The following PRSS55 variants were observed in gnomAD, a reference collection of about 807,000 sequenced individuals.
PRSS55 encodes probable serine protease UNQ9391/PRO34284.
In PRSS55, 41 loss-of-function variants were observed where a neutral mutation model predicts 23.6. The ratio of observed to expected loss-of-function variants is 1.74; its 90% CI spans 1.35 to 2.26. The LOEUF (loss-of-function observed/expected upper bound fraction) is 2.26, where lower values mean the gene tolerates loss of function less well. Among genes scored for constraint, PRSS55 ranks in the 30% most tolerant of loss-of-function variants. The pLI, the probability that PRSS55 is intolerant of heterozygous loss-of-function variation, is 0.00. For synonymous variants in PRSS55, 262 were observed against 175.5 expected, an observed-to-expected ratio of 1.49 and a Z score of -3.90; for missense variants, 669 against 439.1, an observed-to-expected ratio of 1.52 and a Z score of -4.68.
intron 2 of PRSS55, among the ~76,000 whole-genome samples, chr8:10,530,034 T>C (rs997187615): frequency 2.0e-5 from 3 of 152,196 alleles, no homozygotes; most frequent in African/African-American, 7.2e-5. Context: ...GGGAAATCCT[T>C]GTAATTCTGG....
rs200945105 is a variant in PRSS55, at chr8:10,525,640, G to A, written c.55G>A (p.Gly19Ser). ...GTCCCTGGTCACGGGAACTCAGCTCGGTCCACGGACTCCTCTCCCAGAGGC... is the reference window on the plus strand; with the variant it reads ...GTCCCTGGTCACGGGAACTCAGCTCAGTCCACGGACTCCTCTCCCAGAGGC... ...LLSLVTGTQL[G>S]PRTPLPEAGV... Residue 19 changes from glycine (G) to serine (S), a missense_variant, in exon 1 of 5, where the codon GGT becomes AGT. Physicochemically the swap from Gly to Ser is moderately conservative, Grantham distance 56 (BLOSUM62 0). Transcript: ENST00000328655. 36 of 1,614,114 alleles carry A rather than the reference G, an allele frequency of 2.2e-5. No homozygotes were observed. Among genetic ancestry groups the A allele is most frequent in the East Asian group, 1.8e-4 (8 of 44,860 alleles).
chr8:10,528,358 T>A (rs1053214527), intron 1 of PRSS55, among the ~76,000 whole-genome samples: 14 of 152,148 alleles, frequency 9.2e-5, no homozygotes, highest in African/African-American at 2.9e-4. Flanking sequence ...ACAGCTTCTG[T>A]TGAGCTGATG....
At chr8:10,537,605 G>A (rs571282345) in intron 4 of PRSS55, among the ~76,000 whole-genome samples, 4 of 152,176 alleles carry the variant, frequency 2.6e-5, no homozygotes, top group East Asian at 1.9e-4. Flanking sequence ...GAATTGAAAC[G>A]TTCTTAATAC....
chr8:10,534,407 C>T (rs10086002), intron 4 of PRSS55, among the ~76,000 whole-genome samples: 46,488 of 151,994 alleles, frequency 0.31, 7,434 homozygotes, highest in African/African-American at 0.4. Flanking sequence ...ACTCCATTTA[C>T]TCTAGTCACC....
chr8:10,547,394 G>A (rs903716414), intron 4 of PRSS55: 1 of 152,434 alleles, frequency 6.6e-6, no homozygotes, highest in Admixed American at 6.5e-5. Context: ...CTGTTTTGCA[G>A]AGCTGCTTCT....
intron 1 of PRSS55, among the ~76,000 whole-genome samples, chr8:10,527,362 TTCA>T (rs1386095293): frequency 9.9e-5 from 15 of 152,214 alleles, no homozygotes; most frequent in Non-Finnish European, 1.9e-4. Context: ...AGTGGAGTCA[TTCA>T]ATCAGGGAAT....
At chr8:10,548,265 A>G (rs1194443932) in intron 4 of PRSS55, among the ~76,000 whole-genome samples, 1 of 152,052 alleles carries the variant, frequency 6.6e-6, no homozygotes, top group Non-Finnish European at 1.5e-5. Flanking sequence ...GTGACTCCAG[A>G]CCAGGCACGA....
intron 4 of PRSS55, among the ~76,000 whole-genome samples, chr8:10,545,701 G>A (rs892707524): frequency 1.2e-4 from 19 of 152,264 alleles, no homozygotes; most frequent in African/African-American, 4.1e-4. Flanking sequence ...GGTGTGGCTC[G>A]TAAATCATCG....
intron 2 of PRSS55, among the ~76,000 whole-genome samples, 196 bp from the exon 3 acceptor site, chr8:10,531,099 G>A (rs565431852): frequency 9.3e-5 from 9 of 97,238 alleles, no homozygotes; most frequent in African/African-American, 3.4e-4. Flanking sequence ...CTGCACACCA[G>A]CTATTCTGTT....
intron 4 of PRSS55, among the ~76,000 whole-genome samples, chr8:10,553,384 T>A (rs1812993420): frequency 1.3e-5 from 2 of 152,152 alleles, no homozygotes; most frequent in South Asian, 4.1e-4. Flanking sequence ...TAATACAACA[T>A]AGAAACAACC....
chr8:10,549,364 G>A (rs1270772736), intron 4 of PRSS55, among the ~76,000 whole-genome samples: 1 of 152,200 alleles, frequency 6.6e-6, no homozygotes, highest in East Asian at 1.9e-4. Context: ...TGCCCCGGTG[G>A]GAGATGGTTG....
intron 4 of PRSS55, among the ~76,000 whole-genome samples, chr8:10,533,720 G>A (rs4841369): frequency 0.29 from 43,432 of 152,070 alleles, 6,312 homozygotes; most frequent in Admixed American, 0.35. Flanking sequence ...CCACCCTGAT[G>A]AACCTGCTTA....
chr8:10,535,337 C>T (rs2117039907), intron 4 of PRSS55, among the ~76,000 whole-genome samples: 1 of 152,266 alleles, frequency 6.6e-6, no homozygotes, highest in South Asian at 2.1e-4. Flanking sequence ...GCTATGGTAA[C>T]CAAAACAGCA....
At chr8:10,530,901 A>G (rs910008119) in intron 2 of PRSS55, among the ~76,000 whole-genome samples, 11 of 152,090 alleles carry the variant, frequency 7.2e-5, no homozygotes, top group African/African-American at 2.4e-4. Context: ...GTGCTGGTAG[A>G]CCAGTTGATA....
intron 4 of PRSS55, among the ~76,000 whole-genome samples, chr8:10,550,022 C>A (rs775141628): frequency 6.6e-6 from 1 of 152,174 alleles, no homozygotes; most frequent in African/African-American, 2.4e-5. Context: ...CAGGTTCCAT[C>A]GATTCTCCTG....
chr8:10,550,275 G>A (rs2117085672), intron 4 of PRSS55, among the ~76,000 whole-genome samples: 1 of 152,256 alleles, frequency 6.6e-6, no homozygotes, highest in Middle Eastern at 3.4e-3. Flanking sequence ...AATTACCTAG[G>A]GAGCCCCATA....
intron 4 of PRSS55, among the ~76,000 whole-genome samples, chr8:10,548,055 G>T (rs1812862064): frequency 6.6e-6 from 1 of 152,142 alleles, no homozygotes; most frequent in African/African-American, 2.4e-5. Flanking sequence ...AGGAGGCTCA[G>T]GACAGGACTG....
chr8:10,539,672 T>C (rs537932901), downstream of PRSS55, among the ~76,000 whole-genome samples: 3 of 152,276 alleles, frequency 2.0e-5, no homozygotes, highest in South Asian at 2.1e-4. Flanking sequence ...GATCTGATGG[T>C]TTTATAAGAG....
In PRSS55 at chr8:10,544,889, A is replaced by T. The variant is rs907391419; in HGVS notation, c.742-9054A>T. ...AATACCTCACTATAATTGTTACATT[A>T]TTTAACTTTATGTCTCATAGATTTT... On this transcript the variant is annotated intron_variant, in intron 4 of 4. Transcript: ENST00000522210. 2.2e-5 allele frequency: 10 copies of T among 463,098 alleles called. No individual in the cohort carries two copies. In the East Asian group the frequency reaches 1.6e-3, roughly 72 times the overall value. The allele number at this position is 463,098 out of a possible 1,614,324, so 28.7% of individuals were successfully genotyped here.
Sources: gnomAD v4.1 joint callset for allele counts (sites outside exome capture counted in the v4.1 genomes callset) on GRCh38, gnomAD v4.1.1 for gene constraint, MANE v1.5 for transcripts, NCBI Gene and HGNC (gene_info 2026-07-23, HGNC 2026-07-21) for gene names.